PTPRT: variants seen among roughly 807,000 people sequenced by gnomAD.
PTPRT encodes the protein protein tyrosine phosphatase receptor type T, also known as receptor-type tyrosine-protein phosphatase T.
Under a neutral mutation model 176.8 loss-of-function variants are expected in PTPRT, and 56 were observed. The ratio of observed to expected loss-of-function variants is 0.32; its 90% CI spans 0.26 to 0.40. The LOEUF is 0.40. Ranked by LOEUF, PTPRT falls within the 10% of genes least tolerant of loss-of-function variation. The probability of loss-of-function intolerance (pLI) is 1.00; values close to 1 mark genes in which losing one functional copy is unlikely to be tolerated. For missense variants in PTPRT, 1,540 were observed against 1,908.2 expected, an observed-to-expected ratio of 0.81 and a Z score of 3.60; for synonymous variants, 783 against 739.0, an observed-to-expected ratio of 1.06 and a Z score of -0.96.
At chr20:42,523,577 T>C (rs2072215473) in intron 7 of PTPRT, among the ~76,000 whole-genome samples, 1 of 152,174 alleles carries the variant, frequency 6.6e-6, no homozygotes, top group African/African-American at 2.4e-5. Context: ...AAGTCACCAG[T>C]GTCATTTTCC....
At chr20:42,069,862 G>A (rs774283638), downstream of PTPRT, among the ~76,000 whole-genome samples, 3 of 152,096 alleles carry the variant, frequency 2.0e-5, no homozygotes, top group Non-Finnish European at 4.4e-5. Flanking sequence ...TTTCCAGGGG[G>A]TTATAATCCC....
At chr20:42,962,137 A>G (rs911245014) in intron 1 of PTPRT, among the ~76,000 whole-genome samples, 1 of 152,228 alleles carries the variant, frequency 6.6e-6, no homozygotes, top group Admixed American at 6.5e-5. Context: ...AGCAGTAGGA[A>G]ACTAATACAG....
intron 16 of PTPRT, among the ~76,000 whole-genome samples, chr20:42,195,268 C>A (rs1279685983): frequency 6.6e-6 from 1 of 152,186 alleles, no homozygotes; most frequent in African/African-American, 2.4e-5. Context: ...AAGGCACGTT[C>A]TTCTGTAATC....
intron 1 of PTPRT, among the ~76,000 whole-genome samples, chr20:42,965,054 A>T (rs1466913358): frequency 9.2e-5 from 14 of 152,374 alleles, no homozygotes; most frequent in Non-Finnish European, 1.6e-4. Flanking sequence ...GTTCAGTAAG[A>T]TACCCAGCAT....
At chr20:42,203,773 C>T (rs760031940) in intron 15 of PTPRT, among the ~76,000 whole-genome samples, 32 of 152,300 alleles carry the variant, frequency 2.1e-4, no homozygotes, top group Non-Finnish European at 3.8e-4. Flanking sequence ...ATCACAAAGA[C>T]GATGAACACC....
chr20:42,036,276 G>A, the PTPRT span, among the ~76,000 whole-genome samples: 5 of 152,176 alleles, frequency 3.3e-5, no homozygotes, highest in Admixed American at 3.3e-4. Flanking sequence ...CAACATCAGG[G>A]CACCGGTCAC....
intron 26 of PTPRT, among the ~76,000 whole-genome samples, chr20:42,100,431 A>G (rs1340311617): frequency 2.0e-5 from 3 of 152,238 alleles, no homozygotes; most frequent in Non-Finnish European, 4.4e-5. Context: ...AATACAGATA[A>G]GGACGACTTT....
At chr20:42,179,585 T>C (rs758052079) in intron 16 of PTPRT, among the ~76,000 whole-genome samples, 2 of 152,196 alleles carry the variant, frequency 1.3e-5, no homozygotes, top group Non-Finnish European at 2.9e-5. Context: ...TGTGATGAAT[T>C]TGCTAAACAA....
chr20:43,077,363 T>C (rs6103141), intron 1 of PTPRT, among the ~76,000 whole-genome samples: 1,860 of 152,266 alleles, frequency 0.012, 40 homozygotes, highest in African/African-American at 0.042. Context: ...TGAATCCAAG[T>C]GGAAATGGCA....
intron 1 of PTPRT, among the ~76,000 whole-genome samples, chr20:42,928,789 G>T (rs1302594654): frequency 6.6e-6 from 1 of 152,072 alleles, no homozygotes; most frequent in Non-Finnish European, 1.5e-5. Context: ...CTCCCTTCCT[G>T]CAACTATTTC....
intron 7 of PTPRT, among the ~76,000 whole-genome samples, chr20:42,626,176 T>A (rs2074286262): frequency 6.6e-6 from 1 of 152,118 alleles, no homozygotes; most frequent in Admixed American, 6.5e-5. Flanking sequence ...TTGAGGCTCA[T>A]CTAGTTTAAG....
intron 7 of PTPRT, among the ~76,000 whole-genome samples, chr20:42,642,634 A>G (rs565291381): frequency 7.9e-5 from 12 of 152,172 alleles, no homozygotes; most frequent in African/African-American, 2.9e-4. Flanking sequence ...TCAATGAGGT[A>G]CCCAGTGAGT....
At chr20:42,929,125 T>C (rs1979669075) in intron 1 of PTPRT, among the ~76,000 whole-genome samples, 1 of 152,262 alleles carries the variant, frequency 6.6e-6, no homozygotes, top group South Asian at 2.1e-4. Context: ...CATGTGTCAT[T>C]TCTAACATCC....
chr20:42,871,038 C>T (rs1425996742), intron 2 of PTPRT, among the ~76,000 whole-genome samples: 1 of 151,702 alleles, frequency 6.6e-6, no homozygotes, highest in Non-Finnish European at 1.5e-5. Flanking sequence ...GCAACCTCCA[C>T]CTCCCGGGTT....
intron 2 of PTPRT, among the ~76,000 whole-genome samples, chr20:42,836,060 T>C (rs528642045): frequency 1.3e-5 from 2 of 152,124 alleles, no homozygotes; most frequent in Non-Finnish European, 2.9e-5. Flanking sequence ...ATTGGTAAGA[T>C]GAGGGCTTGG....
In PTPRT at chr20:42,448,313, A is replaced by C; in HGVS notation, c.1467T>G (p.Pro489=). ...AGGGCCCCCCTTGGATGGATTCTAG[A>C]GGAACAGCTCCTGGAACTACAGAAT... ...QTEEDVPGAV[P]LESIQGGPFE... is the part of the protein sequence containing the mutation. The change falls in exon 9 of 31, where the codon CCT becomes CCG. Residue 489 remains proline (P), a synonymous_variant. Transcript: ENST00000373187. The C allele has an allele frequency of 6.2e-7, 1 of 1,612,546 alleles. No individual in the cohort carries two copies. The highest frequency in any genetic ancestry group is 8.5e-7 in the Non-Finnish European group (1 of 1,178,684).
chr20:43,048,324 C>T (rs1389131120), intron 1 of PTPRT, among the ~76,000 whole-genome samples: 2 of 152,120 alleles, frequency 1.3e-5, no homozygotes, highest in Admixed American at 6.5e-5. Context: ...CGAGCCCTGG[C>T]TGGGGAGACT....
chr20:42,477,011 T>G (rs2071301580), intron 7 of PTPRT, among the ~76,000 whole-genome samples: 2 of 152,316 alleles, frequency 1.3e-5, no homozygotes, highest in South Asian at 4.1e-4. Context: ...TCCACCAAAC[T>G]GCATCTCTTC....
chr20:42,621,043 C>A (rs1340176661), intron 7 of PTPRT, among the ~76,000 whole-genome samples: 1 of 152,070 alleles, frequency 6.6e-6, no homozygotes, highest in Non-Finnish European at 1.5e-5. Flanking sequence ...GAAAGACCCA[C>A]CCCCATGATT....
Sources: gnomAD v4.1 joint callset for allele counts (sites outside exome capture counted in the v4.1 genomes callset) on GRCh38, gnomAD v4.1.1 for gene constraint, MANE v1.5 for transcripts, NCBI Gene and HGNC (gene_info 2026-07-23, HGNC 2026-07-21) for gene names.